The following SLAMF9 variants were observed in gnomAD, a reference collection of about 807,000 sequenced individuals.
The protein encoded by SLAMF9 is SLAM family member 9, also known as CD2 family member 10.
In SLAMF9, 25 loss-of-function variants were observed where a neutral mutation model predicts 30.4. That is an observed-to-expected ratio of 0.82 (90% CI 0.60 to 1.15). The LOEUF is 1.15. Among genes scored for constraint, SLAMF9 ranks in the 50% most tolerant of loss-of-function variants. The pLI is 0.00. For missense variants in SLAMF9, 344 were observed against 346.1 expected (o/e 0.99, Z 0.05); for synonymous variants, 129 against 127.2 (o/e 1.01, Z -0.09).
chr1:159,956,508 CTT>C (rs1557944460), upstream of SLAMF9, among the ~76,000 whole-genome samples: 1 of 151,920 alleles, frequency 6.6e-6, no homozygotes, highest in Non-Finnish European at 1.5e-5. Context: ...ACCAGCAAAA[CTT>C]AACCAGCAAA....
the SLAMF9 span, chr1:159,973,789 G>T: frequency 6.2e-7 from 1 of 1,613,410 alleles, no homozygotes; most frequent in Non-Finnish European, 8.5e-7. Context: ...TCCCAAGCTG[G>T]TGACTTACCT....
upstream of SLAMF9, among the ~76,000 whole-genome samples, chr1:159,957,455 T>C (rs922213248): frequency 6.6e-6 from 1 of 151,896 alleles, no homozygotes; most frequent in East Asian, 1.9e-4. Context: ...GAAATCCTGC[T>C]TCTACTAAAA....
At chr1:159,969,706 T>G in the SLAMF9 span, among the ~76,000 whole-genome samples, 1 of 152,226 alleles carries the variant, frequency 6.6e-6, no homozygotes, top group Non-Finnish European at 1.5e-5. Context: ...AGGAATATTT[T>G]CCTTAAAAAC....
In SLAMF9 at chr1:159,951,568, G is replaced by A; in HGVS notation, c.*93C>T. 1 of 1,245,418 alleles carries A rather than the reference G, an allele frequency of 8.0e-7. No homozygotes were observed. The highest frequency in any genetic ancestry group is 1.1e-6 in the Non-Finnish European group (1 of 872,986). The allele number at this position is 1,245,418 out of a possible 1,614,324, so 77.1% of individuals were successfully genotyped here. On this transcript the variant is annotated 3_prime_UTR_variant, in exon 4 of 4. Transcript: ENST00000368093. ...TGGCTCTCTGGATACCCACCCCTGA[G>A]CACCTCCTTCCCCTGGAAAGAAGAG...
intron 2 of SLAMF9, 47 bp downstream of exon 2, chr1:159,953,262 C>G: frequency 6.6e-7 from 1 of 1,515,262 alleles, no homozygotes; most frequent in Non-Finnish European, 9.0e-7. Flanking sequence ...GTGAGAAGCT[C>G]AGAAGAGCCC....
chr1:159,956,097 A>G (rs984570864), upstream of SLAMF9, among the ~76,000 whole-genome samples: 1 of 152,210 alleles, frequency 6.6e-6, no homozygotes, highest in Non-Finnish European at 1.5e-5. Context: ...TATGGAATCA[A>G]CCTAAGTGTC....
the SLAMF9 span, among the ~76,000 whole-genome samples, chr1:159,979,676 C>G: frequency 1.4e-5 from 2 of 147,610 alleles, no homozygotes; most frequent in African/African-American, 5.0e-5. Context: ...TTTTTTTTCA[C>G]TTTAATTCAA....
chr1:159,983,636 T>C, the SLAMF9 span: 2 of 152,110 alleles, frequency 1.3e-5, no homozygotes, highest in African/African-American at 4.8e-5. Flanking sequence ...GCTTGAGAGG[T>C]CAAGCTTAGG....
upstream of SLAMF9, among the ~76,000 whole-genome samples, chr1:159,956,232 A>C (rs1010227191): frequency 1.3e-5 from 2 of 152,206 alleles, no homozygotes; most frequent in Admixed American, 6.5e-5. Flanking sequence ...TTGGGAGGCC[A>C]AGGCAGGAAG....
the SLAMF9 span, chr1:159,973,265 A>T: frequency 1.3e-6 from 1 of 794,882 alleles, no homozygotes; most frequent in South Asian, 1.6e-5. Flanking sequence ...CACTCAGTAC[A>T]GGAGGTGGGA....
chr1:159,955,889 G>C (rs983785734), upstream of SLAMF9, among the ~76,000 whole-genome samples: 1 of 152,140 alleles, frequency 6.6e-6, no homozygotes, highest in African/African-American at 2.4e-5. Flanking sequence ...TAAAACCTGA[G>C]GGATTAGAAT....
At chr1:159,972,898 C>A in the SLAMF9 span, 1 of 992,204 alleles carries the variant, frequency 1.0e-6, no homozygotes, top group Non-Finnish European at 1.4e-6. Flanking sequence ...TGGCTCCCTC[C>A]TCTCCTGGGG....
At chr1:159,963,865 C>G in the SLAMF9 span, among the ~76,000 whole-genome samples, 2 of 152,090 alleles carry the variant, frequency 1.3e-5, no homozygotes, top group African/African-American at 2.4e-5. Context: ...TCAAAACCAG[C>G]CTGGCCAACA....
rs1314588809 is a variant in SLAMF9, at chr1:159,953,750, G to A, written c.47-97C>T. 4 of 1,107,204 alleles carry A rather than the reference G, an allele frequency of 3.6e-6. No individual in the cohort carries two copies. The African/African-American group carries it at 6.3e-5, about 18-fold the overall frequency. 68.6% of individuals were successfully genotyped at this position (1,107,204 alleles called of 1,614,324 possible). Reference sequence around the variant, plus strand: ...GCCAGAGTAGCGTAATCTCAGCTGGGCAGCTTCTATGACTCTCACACTAAA... The same window carrying A: ...GCCAGAGTAGCGTAATCTCAGCTGGACAGCTTCTATGACTCTCACACTAAA... On this transcript the variant is annotated intron_variant, in intron 1 of 3. Transcript: ENST00000368093.
chr1:159,953,327 A>T lies in SLAMF9; in HGVS notation c.373T>A (p.Tyr125Asn), dbSNP rs1651827800. The stretch of plus-strand genomic sequence containing the variant: ...AACTCACGGTAGACACATATATTGT[A>T]CTGCTGCATGGTAGAGATCTGGGAT... ...RTSQISTMQQYNICVYRWLSE... is the reference protein window; with the variant it reads ...RTSQISTMQQNNICVYRWLSE... Residue 125 changes from tyrosine (Y) to asparagine (N), a missense_variant, in exon 2 of 4, where the codon TAC (tyrosine) becomes AAC (asparagine). Coordinates refer to ENST00000368093, the MANE Select transcript of SLAMF9 (RefSeq NM_033438.4). The T allele has an allele frequency of 1.2e-6, 2 of 1,606,432 alleles. No individual in the cohort carries two copies. The highest frequency in any genetic ancestry group is 1.1e-5 in the South Asian group (1 of 90,996).
chr1:159,970,408 T>A, the SLAMF9 span, among the ~76,000 whole-genome samples: 3 of 152,230 alleles, frequency 2.0e-5, no homozygotes, highest in Non-Finnish European at 4.4e-5. Flanking sequence ...TTCATTATCA[T>A]CGCACAGTGT....
intron 2 of SLAMF9, among the ~76,000 whole-genome samples, chr1:159,952,936 G>A (rs1474557414): frequency 1.3e-5 from 2 of 152,176 alleles, no homozygotes; most frequent in Non-Finnish European, 2.9e-5. Context: ...TTGGGTTCAA[G>A]TAAAGAGAAG....
the SLAMF9 span, among the ~76,000 whole-genome samples, chr1:159,965,168 G>T: frequency 0.011 from 1,659 of 152,306 alleles, 14 homozygotes; most frequent in South Asian, 0.033. Context: ...ACAGGAAAAC[G>T]CGAAGCTTAC....
chr1:159,958,199 C>A (rs1471617722), upstream of SLAMF9, among the ~76,000 whole-genome samples: 2 of 152,196 alleles, frequency 1.3e-5, no homozygotes, highest in Non-Finnish European at 2.9e-5. Flanking sequence ...GCAGCTAGAG[C>A]CTGTCGGTTA....
Sources: allele counts gnomAD v4.1 joint callset (sites outside exome capture counted in the v4.1 genomes callset), GRCh38; gene constraint gnomAD v4.1.1; transcripts MANE v1.5; gene names NCBI Gene and HGNC (gene_info 2026-07-23, HGNC 2026-07-21).